Variants in SMAD7 observed in about 807,000 individuals in gnomAD.
The protein encoded by SMAD7 is SMAD family member 7, also known as MAD (mothers against decapentaplegic, Drosophila) homolog 7.
Under a neutral mutation model 38.7 loss-of-function variants are expected in SMAD7, and 8 were observed. That is an observed-to-expected ratio of 0.21 (90% CI 0.12 to 0.37). The LOEUF (loss-of-function observed/expected upper bound fraction) is 0.37, where lower values mean the gene tolerates loss of function less well. SMAD7 is among the 10% of genes least tolerant of loss of function. SMAD7 has a pLI of 1.00. For missense variants in SMAD7, 477 were observed against 577.9 expected, an observed-to-expected ratio of 0.83 and a Z score of 1.79; for synonymous variants, 327 against 265.1, an observed-to-expected ratio of 1.23 and a Z score of -2.27.
At chr18:48,936,649 CT>C (rs1028270822) in intron 3 of SMAD7, among the ~76,000 whole-genome samples, 1 of 152,056 alleles carries the variant, frequency 6.6e-6, no homozygotes, top group Non-Finnish European at 1.5e-5. Context: ...CACTTTACAC[CT>C]TTTTTTTCTT....
Position 48,950,265 on chromosome 18 carries a change from C to A in SMAD7, c.160G>T (p.Gly54Cys). The A allele has an allele frequency of 6.6e-7, 1 of 1,519,108 alleles. No individual in the cohort carries two copies. The highest frequency in any genetic ancestry group is 8.8e-7 in the Non-Finnish European group (1 of 1,136,170). The allele number at this position is 1,519,108 out of a possible 1,614,324, so 94.1% of individuals were successfully genotyped here. Residue 54 changes from glycine to cysteine, a missense_variant, in exon 1 of 4, where the codon GGC (glycine) becomes TGC (cysteine). This residue lies in a region of SMAD7 where 376 missense variants were observed against 379.4 expected (regional missense o/e 0.99). Coordinates refer to ENST00000262158, the MANE Select transcript of SMAD7 (RefSeq NM_005904.4). ...AGGCAGCATCCAGCCCTGCCCGGGC[C>A]GCCGCCACCGGCCCCATGCGCTCGG... ...DSRAHGAGGGGPGRAGCCLGK... is the reference protein window; with the variant it reads ...DSRAHGAGGGCPGRAGCCLGK...
chr18:48,930,678 C>T (rs1296725911), intron 3 of SMAD7, among the ~76,000 whole-genome samples: 5 of 151,622 alleles, frequency 3.3e-5, no homozygotes, highest in East Asian at 2.0e-4. Context: ...AAGCCCACCC[C>T]GGTGGGTAGG....
chr18:48,923,215 C>A (rs903029972), intron 3 of SMAD7, among the ~76,000 whole-genome samples: 3 of 152,234 alleles, frequency 2.0e-5, no homozygotes, highest in Non-Finnish European at 2.9e-5. Context: ...AGCCCCAGCT[C>A]CTCCTCTTGG....
At chr18:48,937,290 G>GTGTGTGTGTGTGTGTGTGTC (rs2070080417) in intron 3 of SMAD7, among the ~76,000 whole-genome samples, 1 of 150,972 alleles carries the variant, frequency 6.6e-6, no homozygotes, top group African/African-American at 2.4e-5. Flanking sequence ...GTGTGTGTGT[G>GTGTGTGTGTGTGTGTGTGTC]TGTGTGTGTG....
intron 3 of SMAD7, among the ~76,000 whole-genome samples, chr18:48,934,126 G>A (rs2070035985): frequency 6.6e-6 from 1 of 152,166 alleles, no homozygotes; most frequent in Non-Finnish European, 1.5e-5. Context: ...CTGCACCACT[G>A]TAGGGCTGTG....
chr18:48,947,942 G>C (rs1293695281), intron 2 of SMAD7, among the ~76,000 whole-genome samples: 1 of 139,876 alleles, frequency 7.1e-6, no homozygotes, highest in East Asian at 2.0e-4. Context: ...AAAAGTTCTA[G>C]TGTCTACTCC....
In SMAD7 at chr18:48,927,008, G is replaced by C. The variant is rs527901986; in HGVS notation, c.743-5098C>G. ...GCGAATCCCTCCCCCAAATAGAGAC[G>C]CGTAAAACTTGCTGAGATATCTGGG... is the stretch of plus-strand genomic sequence containing the variant. On this transcript the variant is annotated intron_variant, in intron 3 of 3. Transcript: ENST00000262158. Among the ~76,000 whole-genome samples the C allele has an allele frequency of 3.3e-5, 5 of 152,158 alleles. No homozygotes were observed. In the South Asian group the frequency reaches 1.0e-3, roughly 31 times the overall value.
intron 3 of SMAD7, among the ~76,000 whole-genome samples, chr18:48,931,785 T>C (rs1459767553): frequency 6.6e-6 from 1 of 152,232 alleles, no homozygotes; most frequent in East Asian, 1.9e-4. Flanking sequence ...AGCCAGGGGC[T>C]GAGACACTCG....
chr18:48,936,551 T>C (rs575464552), intron 3 of SMAD7, among the ~76,000 whole-genome samples: 3 of 152,328 alleles, frequency 2.0e-5, no homozygotes, highest in African/African-American at 4.8e-5. Flanking sequence ...AATAGTTTTC[T>C]CTCAAATGTC....
intron 1 of SMAD7, among the ~76,000 whole-genome samples, chr18:48,949,504 G>A (rs562864439): frequency 2.6e-5 from 4 of 152,072 alleles, no homozygotes; most frequent in Admixed American, 6.5e-5. Context: ...GGAAATGAAG[G>A]CGTCTAATTT....
intron 3 of SMAD7, among the ~76,000 whole-genome samples, chr18:48,940,873 G>A (rs960556703): frequency 2.6e-5 from 4 of 151,902 alleles, no homozygotes; most frequent in Non-Finnish European, 5.9e-5. Flanking sequence ...TGGCACGGGC[G>A]GGTGAGGAGG....
intron 3 of SMAD7, among the ~76,000 whole-genome samples, chr18:48,938,225 G>A (rs2070093960): frequency 6.6e-6 from 1 of 152,204 alleles, no homozygotes; most frequent in African/African-American, 2.4e-5. Context: ...CAAAGAGAAG[G>A]AGACAGAAAC....
chr18:48,947,903 C>G (rs868548543), intron 2 of SMAD7, among the ~76,000 whole-genome samples: 9 of 149,738 alleles, frequency 6.0e-5, no homozygotes, highest in Admixed American at 1.3e-4. Flanking sequence ...CCCCCCCCCC[C>G]CTTTTACTGG....
chr18:48,939,764 G>C (rs1660397339), intron 3 of SMAD7, among the ~76,000 whole-genome samples: 1 of 152,064 alleles, frequency 6.6e-6, no homozygotes, highest in African/African-American at 2.4e-5. Context: ...GAGGCTCAGA[G>C]AGGTTATTTC....
chr18:48,937,883 GC>G (rs2070089846), intron 3 of SMAD7, among the ~76,000 whole-genome samples: 1 of 152,184 alleles, frequency 6.6e-6, no homozygotes, highest in Non-Finnish European at 1.5e-5. Flanking sequence ...CTCAACCTGT[GC>G]CCCCTGCCCT....
intron 3 of SMAD7, among the ~76,000 whole-genome samples, chr18:48,927,564 C>T (rs7226807): frequency 3.3e-5 from 5 of 152,170 alleles, no homozygotes; most frequent in East Asian, 1.9e-4. Flanking sequence ...TGCAGCCTCC[C>T]GGTAAGTTCA....
At chr18:48,932,413 C>T (rs1014111084) in intron 3 of SMAD7, among the ~76,000 whole-genome samples, 1 of 152,206 alleles carries the variant, frequency 6.6e-6, no homozygotes, top group South Asian at 2.1e-4. Context: ...AATGAGCACA[C>T]AGTCGCTGGC....
chr18:48,922,917 T>C (rs1171050580), intron 3 of SMAD7, among the ~76,000 whole-genome samples: 2 of 152,090 alleles, frequency 1.3e-5, no homozygotes, highest in Non-Finnish European at 2.9e-5. Context: ...GGTAAGGTAA[T>C]TTTCCTCAAC....
intron 3 of SMAD7, among the ~76,000 whole-genome samples, chr18:48,937,028 G>A (rs1458345162): frequency 2.0e-5 from 3 of 151,536 alleles, no homozygotes; most frequent in East Asian, 1.9e-4. Context: ...GCAGTGACTC[G>A]AGATCCTGCC....
Sources: allele counts gnomAD v4.1 joint callset (sites outside exome capture counted in the v4.1 genomes callset), GRCh38; gene constraint gnomAD v4.1.1; regional missense constraint gnomAD v4.1.1; transcripts MANE v1.5; gene names NCBI Gene and HGNC (gene_info 2026-07-23, HGNC 2026-07-21).